MAGI3: variants seen among roughly 807,000 people sequenced by gnomAD.
MAGI3 encodes the protein membrane-associated guanylate kinase, WW and PDZ domain-containing protein 3.
A neutral mutation model predicts 121.8 loss-of-function variants in MAGI3; 43 were observed. That is an observed-to-expected ratio of 0.35 (90% CI 0.28 to 0.46). The LOEUF (loss-of-function observed/expected upper bound fraction) is 0.46. Ranked by LOEUF, MAGI3 falls within the 20% of genes least tolerant of loss-of-function variation. The pLI, the probability that MAGI3 is intolerant of heterozygous loss-of-function variation, is 1.00. For synonymous variants in MAGI3, 553 were observed against 639.3 expected (o/e 0.86, Z 2.04); for missense variants, 1,547 against 1,797.3 (o/e 0.86, Z 2.52).
At chr1:113,513,590 C>G (rs1330539269) in intron 1 of MAGI3, among the ~76,000 whole-genome samples, 2 of 152,112 alleles carry the variant, frequency 1.3e-5, no homozygotes, top group Non-Finnish European at 2.9e-5. Flanking sequence ...AAAGCTGAAA[C>G]TGGATCCCTT....
At chr1:113,675,604 A>G (rs1362807098) in intron 19 of MAGI3, among the ~76,000 whole-genome samples, 1 of 152,222 alleles carries the variant, frequency 6.6e-6, no homozygotes, top group African/African-American at 2.4e-5. Context: ...TTTGTGGTAG[A>G]TAAGATCACT....
intron 2 of MAGI3, among the ~76,000 whole-genome samples, chr1:113,578,674 A>C (rs1647811758): frequency 1.3e-5 from 2 of 152,128 alleles, no homozygotes; most frequent in South Asian, 2.1e-4. Context: ...TTTAATATGG[A>C]GCTAAGAAGC....
At chr1:113,682,252 G>A (rs1648270294) in intron 20 of MAGI3, 1 of 1,610,984 alleles carries the variant, frequency 6.2e-7, no homozygotes, top group East Asian at 2.2e-5. Flanking sequence ...TGAAACCCGA[G>A]CAACATTAAG....
rs1364422815 is a variant in MAGI3 at position 113,644,767 on chromosome 1, ACT to A, written c.1998+996_1998+997del. 3.3e-5 allele frequency among the ~76,000 whole-genome samples: 5 copies of A among 152,274 alleles called. No individual in the cohort carries two copies. In the South Asian group the frequency reaches 6.2e-4, roughly 19 times the overall value. ...ATCAAATGCTGCTGTTGTGGAAGAA[ACT>A]CTACAAGGTGCACATTTGTAGCTAT... is the stretch of plus-strand genomic sequence containing the variant. On this transcript the variant is annotated intron_variant, in intron 11 of 20. Transcript: ENST00000307546.
chr1:113,605,675 C>T (rs2101760842), intron 6 of MAGI3, among the ~76,000 whole-genome samples: 1 of 152,194 alleles, frequency 6.6e-6, no homozygotes, highest in East Asian at 1.9e-4. Context: ...TCTTGGATCA[C>T]TGCAACCTCT....
intron 1 of MAGI3, among the ~76,000 whole-genome samples, chr1:113,476,449 A>ATCTT (rs2101552141): frequency 6.6e-6 from 1 of 152,330 alleles, no homozygotes; most frequent in African/African-American, 2.4e-5. Flanking sequence ...TTCAAAGAAC[A>ATCTT]TCTTTCTTTC....
chr1:113,646,432 TAATC>T (rs1652845842), intron 11 of MAGI3, 50 bp from the exon 12 acceptor site: 3 of 1,433,524 alleles, frequency 2.1e-6, no homozygotes, highest in Admixed American at 2.2e-5. Flanking sequence ...TTTTATGAAT[TAATC>T]AACCATCTGC....
intron 14 of MAGI3, among the ~76,000 whole-genome samples, chr1:113,653,471 C>T (rs1653287192): frequency 1.3e-5 from 2 of 151,858 alleles, no homozygotes; most frequent in Non-Finnish European, 2.9e-5. Flanking sequence ...ACTCAGGAGG[C>T]TGAGGCAGGA....
intron 1 of MAGI3, among the ~76,000 whole-genome samples, chr1:113,394,767 A>G (rs956413588): frequency 2.6e-5 from 4 of 152,184 alleles, no homozygotes; most frequent in Admixed American, 1.3e-4. Flanking sequence ...GTCTACTGCC[A>G]TATGCACACA....
intron 9 of MAGI3, 148 bp from the exon 10 acceptor site, chr1:113,641,763 C>A: frequency 1.7e-6 from 1 of 593,438 alleles, no homozygotes; most frequent in Non-Finnish European, 2.8e-6. Flanking sequence ...GGGAGAAGGT[C>A]TGTGTTAGAA....
chr1:113,541,298 A>G (rs975957398), intron 1 of MAGI3, among the ~76,000 whole-genome samples: 2 of 152,214 alleles, frequency 1.3e-5, no homozygotes, highest in African/African-American at 4.8e-5. Context: ...TATTGCCATA[A>G]TTCGTAATAT....
intron 3 of MAGI3, among the ~76,000 whole-genome samples, chr1:113,583,130 A>T (rs1648136149): frequency 1.3e-5 from 2 of 151,032 alleles, no homozygotes; most frequent in South Asian, 4.1e-4. Context: ...GATCTAATTT[A>T]TTTTATTTAT....
At chr1:113,636,260 CT>C (rs1353687760) in intron 9 of MAGI3, among the ~76,000 whole-genome samples, 1 of 151,866 alleles carries the variant, frequency 6.6e-6, no homozygotes, top group Non-Finnish European at 1.5e-5. Flanking sequence ...TATTTCTTGC[CT>C]TCTGCTAGCT....
chr1:113,531,921 C>A (rs1015477076), intron 1 of MAGI3, among the ~76,000 whole-genome samples: 2 of 152,126 alleles, frequency 1.3e-5, no homozygotes, highest in Non-Finnish European at 2.9e-5. Context: ...CTCACAGTTT[C>A]ATCTGTTTTT....
At chr1:113,510,910 G>A (rs575744086) in intron 1 of MAGI3, among the ~76,000 whole-genome samples, 3 of 152,176 alleles carry the variant, frequency 2.0e-5, no homozygotes, top group African/African-American at 7.2e-5. Flanking sequence ...GATTTCTCTA[G>A]GATTCTGCAT....
At chr1:113,578,328 A>C (rs1647788229) in intron 2 of MAGI3, among the ~76,000 whole-genome samples, 1 of 152,184 alleles carries the variant, frequency 6.6e-6, no homozygotes, top group South Asian at 2.1e-4. Flanking sequence ...AACAGGCCCC[A>C]CCTCTTAGGA....
chr1:113,684,153 G>A lies in MAGI3; in HGVS notation c.*139G>A. The A allele has an allele frequency of 3.2e-6, 3 of 942,542 alleles. No individual in the cohort carries two copies. The highest frequency in any genetic ancestry group is 2.2e-5 in the South Asian group (1 of 46,252). The allele number at this position is 942,542 out of a possible 1,614,324, so 58.4% of individuals were successfully genotyped here. A position where few individuals can be genotyped will look rare whatever the true frequency, so the allele number is the denominator to read the frequency against. ...ATGTGAGCCTCAAGTTACCTAGGCT[G>A]CATGAAGGGCCTTTAGGATTGCTAA... is the stretch of plus-strand genomic sequence containing the variant. On this transcript the variant is annotated 3_prime_UTR_variant, in exon 21 of 21. Coordinates refer to ENST00000307546, the MANE Select transcript of MAGI3 (RefSeq NM_001142782.2).
intron 11 of MAGI3, among the ~76,000 whole-genome samples, chr1:113,644,081 T>G (rs370684985): frequency 7.9e-5 from 12 of 152,136 alleles, no homozygotes; most frequent in Non-Finnish European, 1.8e-4. Context: ...TCTTTTTACT[T>G]TTGTGTTTCA....
chr1:113,618,477 G>C, intron 7 of MAGI3: 1 of 437,248 alleles, frequency 2.3e-6, no homozygotes, highest in East Asian at 7.4e-5. Flanking sequence ...TTTAATTGTT[G>C]GTGTTCACTC....
Sources: allele counts gnomAD v4.1 joint callset (sites outside exome capture counted in the v4.1 genomes callset), GRCh38; gene constraint gnomAD v4.1.1; transcripts MANE v1.5; gene names NCBI Gene and HGNC (gene_info 2026-07-23, HGNC 2026-07-21).